Variants in SIGMAR1 observed in about 807,000 individuals in gnomAD.
The protein encoded by SIGMAR1 is sigma non-opioid intracellular receptor 1, also known as SR31747 binding protein 1.
In SIGMAR1, 18 loss-of-function variants were observed where a neutral mutation model predicts 25.4. The ratio of observed to expected loss-of-function variants is 0.71; its 90% CI spans 0.49 to 1.05. The LOEUF is 1.05. Among genes scored for constraint, SIGMAR1 ranks in the 50% least tolerant of loss-of-function variants. The probability of loss-of-function intolerance (pLI) is 0.00; values close to 1 mark genes in which losing one functional copy is unlikely to be tolerated. For synonymous variants in SIGMAR1, 125 were observed against 131.6 expected, an observed-to-expected ratio of 0.95 and a Z score of 0.34; for missense variants, 249 against 301.6, an observed-to-expected ratio of 0.83 and a Z score of 1.29.
In SIGMAR1 at chr9:34,635,398, GGT is replaced by G; in HGVS notation, c.*232_*233del. Reference sequence around the variant, plus strand: ...ATACCGGGGGCTCCCTCTCCAGATGGGTGTGAGTGCATGGTCCTACTGTACAC... The same window carrying G: ...ATACCGGGGGCTCCCTCTCCAGATGGGTGAGTGCATGGTCCTACTGTACAC... On this transcript the variant is annotated 3_prime_UTR_variant, in exon 4 of 4. Coordinates refer to ENST00000277010, the MANE Select transcript of SIGMAR1 (RefSeq NM_005866.4). The surrounding 1 kb of genome is among the most constrained non-coding windows in gnomAD (Gnocchi z 4.5). 4 of 606,568 alleles carry G rather than the reference GGT, an allele frequency of 6.6e-6. No homozygotes were observed. The highest frequency in any genetic ancestry group is 1.2e-5 in the Non-Finnish European group (4 of 346,704). The allele number at this position is 606,568 out of a possible 1,614,324, so 37.6% of individuals were successfully genotyped here.
At position 34,635,532 on chromosome 9, in the gene SIGMAR1, T is replaced by A. The variant is rs1820813166; in HGVS notation, c.*100A>T. 6.5e-7 allele frequency: 1 copy of A among 1,539,324 alleles called. No individual in the cohort carries two copies. The highest frequency in any genetic ancestry group is 8.8e-7 in the Non-Finnish European group (1 of 1,130,490). ...ATACAGCAGGAACTCAGGATCTGCA[T>A]GGTGTATGTCCCTGTCTGTAAACAT... On this transcript the variant is annotated 3_prime_UTR_variant, in exon 4 of 4. Coordinates refer to ENST00000277010, the MANE Select transcript of SIGMAR1 (RefSeq NM_005866.4). This position sits in a 1 kb window ranked among gnomAD's most constrained non-coding sequence, Gnocchi z 4.5.
At position 34,636,718 on chromosome 9, in the gene SIGMAR1, A is replaced by G. The variant is rs142886878; in HGVS notation, c.445+279T>C. 5.4e-4 allele frequency: 296 copies of G among 544,124 alleles called. 5 individuals are homozygous for G. In the East Asian group the frequency reaches 9.5e-3, roughly 17 times the overall value. The allele number at this position is 544,124 out of a possible 1,614,324, so 33.7% of individuals were successfully genotyped here. Reference sequence around the variant, plus strand: ...TTTCTGATTACCCATTGTCTCCCCAACAGTTGTTGGAATACTGTCTGGGCA... The same window carrying G: ...TTTCTGATTACCCATTGTCTCCCCAGCAGTTGTTGGAATACTGTCTGGGCA... On this transcript the variant is annotated intron_variant, in intron 3 of 3. Transcript: ENST00000277010.
At position 34,637,769 on chromosome 9, in the gene SIGMAR1, GAGCCCGC is replaced by G; in HGVS notation, c.-79_-73del. The G allele has an allele frequency of 8.7e-7, 1 of 1,151,266 alleles. No individual in the cohort carries two copies. The highest frequency in any genetic ancestry group is 1.1e-6 in the Non-Finnish European group (1 of 874,282). The allele number at this position is 1,151,266 out of a possible 1,614,324, so 71.3% of individuals were successfully genotyped here. On this transcript the variant is annotated 5_prime_UTR_variant, in exon 1 of 4. Transcript: ENST00000277010. ...CTGAGGCTTTGCGCTCACGGCCTCG[GAGCCCGC>G]CGGCTGCCCACGAAGCGCTCCCCCG...
In SIGMAR1 at chr9:34,635,558, G is replaced by C; in HGVS notation, c.*74C>G. The C allele has an allele frequency of 1.9e-6, 3 of 1,597,494 alleles. No individual in the cohort carries two copies. The South Asian group carries it at 3.4e-5, about 18-fold the overall frequency. On this transcript the variant is annotated 3_prime_UTR_variant, in exon 4 of 4. Coordinates refer to ENST00000277010, the MANE Select transcript of SIGMAR1 (RefSeq NM_005866.4). The surrounding 1 kb of genome is among the most constrained non-coding windows in gnomAD (Gnocchi z 4.5). ...GGTGTATGTCCCTGTCTGTAAACAT[G>C]GGCTCCAGCAAGTGGATATGTGCGG...
chr9:34,636,759 A>G (rs371661046), intron 3 of SIGMAR1: 135 of 590,564 alleles, frequency 2.3e-4, no homozygotes, highest in Admixed American at 7.5e-4. Flanking sequence ...GTGCCTGGGC[A>G]GATAAAAATC....
At position 34,637,245 on chromosome 9, in the gene SIGMAR1, G is replaced by A. The variant is rs1426469276; in HGVS notation, c.327C>T (p.Thr109=). 3.2e-6 allele frequency: 5 copies of A among 1,561,644 alleles called. No homozygotes were observed. Among genetic ancestry groups the A allele is most frequent in the Non-Finnish European group, 4.3e-6 (5 of 1,158,028 alleles). The change falls in exon 2 of 4, where the codon ACC becomes ACT. Residue 109 remains threonine, a synonymous_variant. Transcript: ENST00000277010. The part of the protein sequence containing the change: ...SLSEYVLLFG[T]ALGSRGHSGR... The stretch of plus-strand genomic sequence containing the variant: ...CCGAGTGGCCGCGGGAGCCCAAGGC[G>A]GTGCCGAAGAGCAGCACATACTCGG...
intron 3 of SIGMAR1, among the ~76,000 whole-genome samples, chr9:34,636,099 A>C (rs1315926824): frequency 1.3e-5 from 2 of 152,042 alleles, no homozygotes; most frequent in East Asian, 3.9e-4. Flanking sequence ...CCATGGACCC[A>C]CTGTATGGAA....
At position 34,637,365 on chromosome 9, in the gene SIGMAR1, G is replaced by A. The variant is rs751172704; in HGVS notation, c.207C>T (p.His69=). ...SRLIVELRRL[H]PGHVLPDEEL... ...CCTCGTCGGGCAGCACGTGGCCTGG[G>A]TGCAGCCGCCGCAGCTCCACGATCA... Residue 69 remains histidine, a synonymous_variant, in exon 2 of 4, where the codon CAC becomes CAT. Coordinates refer to ENST00000277010, the MANE Select transcript of SIGMAR1 (RefSeq NM_005866.4). 5.0e-6 allele frequency: 8 copies of A among 1,605,632 alleles called. No individual in the cohort carries two copies. Among genetic ancestry groups the A allele is most frequent in the Non-Finnish European group, 6.8e-6 (8 of 1,179,502 alleles).
Position 34,635,980 on chromosome 9 carries a change from A to G in SIGMAR1, c.446-122T>C. 1.4e-6 allele frequency: 2 copies of G among 1,433,564 alleles called. No individual in the cohort carries two copies. The highest frequency in any genetic ancestry group is 1.9e-6 in the Non-Finnish European group (2 of 1,054,480). 88.8% of individuals were successfully genotyped at this position (1,433,564 alleles called of 1,614,324 possible). On this transcript the variant is annotated intron_variant, in intron 3 of 3. Coordinates refer to ENST00000277010, the MANE Select transcript of SIGMAR1 (RefSeq NM_005866.4). The surrounding 1 kb of genome is among the most constrained non-coding windows in gnomAD (Gnocchi z 4.5). ...TGGAGAGGGAGCTTCAGAAAAACAAAAAGCCCTACCTCACTGGGCTGGCCC... is the reference window on the plus strand; with the variant it reads ...TGGAGAGGGAGCTTCAGAAAAACAAGAAGCCCTACCTCACTGGGCTGGCCC...
At position 34,637,380 on chromosome 9, in the gene SIGMAR1, C is replaced by G; in HGVS notation, c.192G>C (p.Glu64Asp). 1 of 1,606,016 alleles carries G rather than the reference C, an allele frequency of 6.2e-7. No individual in the cohort carries two copies. Among genetic ancestry groups the G allele is most frequent in the Non-Finnish European group, 8.5e-7 (1 of 1,179,622 alleles). The change falls in exon 2 of 4, where the codon GAG becomes GAC. Residue 64 changes from glutamate (E) to aspartate (D), a missense_variant. Coordinates refer to ENST00000277010, the MANE Select transcript of SIGMAR1 (RefSeq NM_005866.4). Reference protein sequence around the residue: ...HELAFSRLIVELRRLHPGHVL... With the variant: ...HELAFSRLIVDLRRLHPGHVL... ...CGTGGCCTGGGTGCAGCCGCCGCAG[C>G]TCCACGATCAGACGAGAGAAGGCCA... is the stretch of plus-strand genomic sequence containing the variant.
chr9:34,637,101 T>A lies in SIGMAR1; in HGVS notation c.353-12A>T, dbSNP rs770267439. The A allele has an allele frequency of 3.1e-6, 5 of 1,613,696 alleles. No individual in the cohort carries two copies. Among genetic ancestry groups the A allele is most frequent in the Non-Finnish European group, 4.2e-6 (5 of 1,179,976 alleles). On this transcript the variant is annotated splice_polypyrimidine_tract_variant and intron_variant, in intron 2 of 3. Coordinates refer to ENST00000277010, the MANE Select transcript of SIGMAR1 (RefSeq NM_005866.4). ...AGCCCAGTAGCGCCCTGAGTGACAA[T>A]CGCACATGACACTATCAGGGTATTC...
chr9:34,636,684 T>C (rs1482080915), intron 3 of SIGMAR1: 5 of 471,648 alleles, frequency 1.1e-5, no homozygotes, highest in Non-Finnish European at 2.0e-5. Context: ...TTTTGGGGTA[T>C]TGAGAGCATT....
chr9:34,637,170 G>A, intron 2 of SIGMAR1, 50 bp downstream of exon 2: 1 of 1,575,482 alleles, frequency 6.3e-7, no homozygotes, highest in Non-Finnish European at 8.6e-7. Flanking sequence ...GGAGGGCATG[G>A]GCCCCTTTAC....
rs938782941 is a variant in SIGMAR1 at position 34,635,461 on chromosome 9, C to T, written c.*171G>A. On this transcript the variant is annotated 3_prime_UTR_variant, in exon 4 of 4. Transcript: ENST00000277010. The surrounding 1 kb of genome is among the most constrained non-coding windows in gnomAD (Gnocchi z 4.5). The stretch of plus-strand genomic sequence containing the variant: ...GTATCTATATGTGTCTCATTTGTTC[C>T]CATGGGTCTCTGTGTTTGGATACAT... 3.7e-5 allele frequency: 36 copies of T among 982,550 alleles called. No homozygotes were observed. The highest frequency in any genetic ancestry group is 5.4e-5 in the Non-Finnish European group (35 of 650,630). The allele number at this position is 982,550 out of a possible 1,614,324, so 60.9% of individuals were successfully genotyped here.
intron 3 of SIGMAR1, 24 bp downstream of exon 3, chr9:34,636,973 C>A (rs764193754): frequency 6.2e-7 from 1 of 1,602,204 alleles, no homozygotes; most frequent in Non-Finnish European, 8.5e-7. Flanking sequence ...GGACCCACTT[C>A]TCTGACAGAG....
rs759256564 is a variant in SIGMAR1, at chr9:34,635,686, A to G, written c.618T>C (p.Tyr206=). Residue 206 remains tyrosine (Y), a synonymous_variant, in exon 4 of 4, where the codon TAT becomes TAC. Coordinates refer to ENST00000277010, the MANE Select transcript of SIGMAR1 (RefSeq NM_005866.4). This position sits in a 1 kb window ranked among gnomAD's most constrained non-coding sequence, Gnocchi z 4.5. The part of the protein sequence containing the change: ...FLTLFYTLRS[Y]ARGLRLELTT... ...TGAGCTCAAGCCGGAGGCCCCGAGC[A>G]TAGGAGCGAAGAGTATAGAAGAGGG... 4 of 1,614,150 alleles carry G rather than the reference A, an allele frequency of 2.5e-6. No individual in the cohort carries two copies. Among genetic ancestry groups the G allele is most frequent in the Non-Finnish European group, 3.4e-6 (4 of 1,180,050 alleles).
Position 34,635,498 on chromosome 9 carries a change from TC to T in SIGMAR1, c.*133del. ...GTGTTTGGATACATAAGCATGGATATCCCTGCTCATACAGCAGGAACTCAGG... is the reference window on the plus strand; with the variant it reads ...GTGTTTGGATACATAAGCATGGATATCCTGCTCATACAGCAGGAACTCAGG... On this transcript the variant is annotated 3_prime_UTR_variant, in exon 4 of 4. Coordinates refer to ENST00000277010, the MANE Select transcript of SIGMAR1 (RefSeq NM_005866.4). The surrounding 1 kb of genome is among the most constrained non-coding windows in gnomAD (Gnocchi z 4.5). The T allele has an allele frequency of 7.5e-7, 1 of 1,333,698 alleles. No individual in the cohort carries two copies. Among genetic ancestry groups the T allele is most frequent in the South Asian group, 1.3e-5 (1 of 79,192 alleles). 82.6% of individuals were successfully genotyped at this position (1,333,698 alleles called of 1,614,324 possible).
At chr9:34,636,930 C>T (rs1820885756) in intron 3 of SIGMAR1, 67 bp downstream of exon 3, 3 of 1,299,806 alleles carry the variant, frequency 2.3e-6, no homozygotes, top group Admixed American at 1.9e-5. Flanking sequence ...CCATGCCATG[C>T]TCCCCGCAAT....
In SIGMAR1 at chr9:34,637,688, C is replaced by A; in HGVS notation, c.10G>T (p.Ala4Ser). MQW[A>S]VGRRWAWAAL... ...GCCCACGCCCACCGCCGGCCCACGGCCCACTGCATCCCGGCGGGCGGCCTG... is the reference window on the plus strand; with the variant it reads ...GCCCACGCCCACCGCCGGCCCACGGACCACTGCATCCCGGCGGGCGGCCTG... The change falls in exon 1 of 4, where the codon GCC (alanine) becomes TCC (serine). Residue 4 changes from alanine (A) to serine (S), a missense_variant. Physicochemically the swap from Ala to Ser is moderately conservative, Grantham distance 99. Transcript: ENST00000277010. 1 of 1,527,874 alleles carries A rather than the reference C, an allele frequency of 6.5e-7. No homozygotes were observed. Among genetic ancestry groups the A allele is most frequent in the Non-Finnish European group, 8.8e-7 (1 of 1,142,524 alleles). 94.6% of individuals were successfully genotyped at this position (1,527,874 alleles called of 1,614,324 possible). A position where few individuals can be genotyped will look rare whatever the true frequency, so the allele number is the denominator to read the frequency against.
Sources: allele counts gnomAD v4.1 joint callset (sites outside exome capture counted in the v4.1 genomes callset), GRCh38; gene constraint gnomAD v4.1.1; non-coding constraint Gnocchi (gnomAD v3.1); transcripts MANE v1.5; gene names NCBI Gene and HGNC (gene_info 2026-07-23, HGNC 2026-07-21).